The following SNX24 variants were observed in gnomAD, a reference collection of about 807,000 sequenced individuals.
SNX24 encodes sorting nexin 24.
Under a neutral mutation model 28.7 loss-of-function variants are expected in SNX24, and 22 were observed. The observed-to-expected ratio is 0.77, with a 90% CI of 0.55 to 1.10. The LOEUF (loss-of-function observed/expected upper bound fraction) is 1.10. SNX24 is among the 50% of genes least tolerant of loss of function. SNX24 has a pLI of 0.00. For synonymous variants in SNX24, 69 were observed against 71.5 expected (o/e 0.96, Z 0.18); for missense variants, 221 against 201.1 (o/e 1.10, Z -0.60).
intron 6 of SNX24, among the ~76,000 whole-genome samples, chr5:123,006,972 T>A (rs1426566026): frequency 6.6e-6 from 1 of 152,248 alleles, no homozygotes; most frequent in Non-Finnish European, 1.5e-5. Context: ...TATGTACAGA[T>A]TAAAGTTTAA....
intron 1 of SNX24, among the ~76,000 whole-genome samples, chr5:122,914,812 G>A (rs1437779226): frequency 3.3e-5 from 5 of 151,950 alleles, no homozygotes; most frequent in Admixed American, 6.6e-5. Flanking sequence ...TCTTGCTAGC[G>A]GTCTATCAAT....
chr5:122,864,492 T>C (rs1755631283), intron 1 of SNX24, among the ~76,000 whole-genome samples: 1 of 152,224 alleles, frequency 6.6e-6, no homozygotes, highest in South Asian at 2.1e-4. Context: ...TGCAGGAAAC[T>C]AGAGTTTTAT....
intron 1 of SNX24, among the ~76,000 whole-genome samples, chr5:122,892,263 T>G (rs925538536): frequency 2.0e-5 from 3 of 152,018 alleles, no homozygotes; most frequent in African/African-American, 7.2e-5. Context: ...TTTATATTTT[T>G]TAGTTGAAGC....
chr5:122,868,610 A>G (rs1755826029), intron 1 of SNX24, among the ~76,000 whole-genome samples: 1 of 152,308 alleles, frequency 6.6e-6, no homozygotes, highest in Middle Eastern at 3.4e-3. Context: ...AGCAGTTTGC[A>G]TGGCAGCTTG....
intron 1 of SNX24, among the ~76,000 whole-genome samples, chr5:122,903,708 C>G (rs1207770515): frequency 6.6e-6 from 1 of 152,094 alleles, no homozygotes; most frequent in Non-Finnish European, 1.5e-5. Context: ...TTTTGGTTTA[C>G]TGTGGTGTAT....
At chr5:122,976,306 A>C (rs67342963) in intron 3 of SNX24, among the ~76,000 whole-genome samples, 2 of 143,410 alleles carry the variant, frequency 1.4e-5, no homozygotes, top group East Asian at 1.9e-4. Context: ...AAAAAAAAAA[A>C]AAAACAGGCA....
chr5:122,948,386 C>T (rs1203077004), intron 3 of SNX24, among the ~76,000 whole-genome samples: 1 of 152,160 alleles, frequency 6.6e-6, no homozygotes, highest in Non-Finnish European at 1.5e-5. Context: ...TATCATCCTG[C>T]CACTAACCTG....
intron 1 of SNX24, among the ~76,000 whole-genome samples, chr5:122,889,595 GTA>G (rs1208452765): frequency 7.7e-6 from 1 of 129,318 alleles, no homozygotes; most frequent in Non-Finnish European, 1.6e-5. Flanking sequence ...CCGTGTATGT[GTA>G]TATATATATA....
intron 3 of SNX24, among the ~76,000 whole-genome samples, chr5:122,991,410 C>A (rs1160453080): frequency 6.6e-6 from 1 of 152,094 alleles, no homozygotes; most frequent in African/African-American, 2.4e-5. Context: ...AGTTGTCAAA[C>A]AGGTTTTGAA....
chr5:122,846,608 C>T (rs1443948555), intron 1 of SNX24, among the ~76,000 whole-genome samples: 2 of 152,170 alleles, frequency 1.3e-5, no homozygotes, highest in Non-Finnish European at 2.9e-5. Flanking sequence ...AACCCCTCTC[C>T]CCTCCTCTAA....
Position 122,964,253 on chromosome 5 carries a change from A to AT in SNX24, c.249+18094_249+18095insT, listed in dbSNP as rs1288950541. ...CAAGAACAAGACTCCATCTCAAAAA[A>AT]AAAAAAAAAAAAAAAAAAAGAACAA... On this transcript the variant is annotated intron_variant, in intron 3 of 6. Transcript: ENST00000261369. Among the ~76,000 whole-genome samples the AT allele has an allele frequency of 4.0e-5, 6 of 149,958 alleles. No homozygotes were observed. The East Asian group carries it at 1.2e-3, about 29-fold the overall frequency.
At chr5:122,954,516 G>GT (rs952626318) in intron 3 of SNX24, among the ~76,000 whole-genome samples, 4 of 149,658 alleles carry the variant, frequency 2.7e-5, no homozygotes, top group Admixed American at 1.3e-4. Flanking sequence ...GACCAATACT[G>GT]TTTTTTTTCT....
intron 3 of SNX24, among the ~76,000 whole-genome samples, chr5:122,973,161 C>G (rs1761024907): frequency 6.6e-6 from 1 of 152,198 alleles, no homozygotes; most frequent in Admixed American, 6.5e-5. Flanking sequence ...TCAGAGGGGT[C>G]CATCCACATA....
chr5:122,934,494 G>A (rs563846474), intron 1 of SNX24, among the ~76,000 whole-genome samples: 1 of 152,024 alleles, frequency 6.6e-6, no homozygotes, highest in African/African-American at 2.4e-5. Flanking sequence ...CAAGCAGCTG[G>A]ATCTACAGGC....
At chr5:123,026,008 A>G in intron 5 of SNX24, 2 of 1,528,970 alleles carry the variant, frequency 1.3e-6, no homozygotes, top group Non-Finnish European at 1.8e-6. Flanking sequence ...GATGTCTTCC[A>G]AAAGTCAGCT....
intron 1 of SNX24, among the ~76,000 whole-genome samples, chr5:122,931,463 T>C (rs912152633): frequency 1.3e-5 from 2 of 152,180 alleles, no homozygotes; most frequent in Non-Finnish European, 2.9e-5. Flanking sequence ...ATGGCGCTTT[T>C]AGAGATTCAA....
chr5:122,946,826 G>A (rs1581783689), intron 3 of SNX24, among the ~76,000 whole-genome samples: 1 of 152,176 alleles, frequency 6.6e-6, no homozygotes, highest in East Asian at 1.9e-4. Flanking sequence ...AGAACTAGTG[G>A]CCCCAGGCGA....
chr5:122,858,269 A>G (rs571959027), intron 1 of SNX24, among the ~76,000 whole-genome samples: 14 of 152,366 alleles, frequency 9.2e-5, no homozygotes, highest in Admixed American at 3.3e-4. Flanking sequence ...TTTTTGAAAT[A>G]CTTGGAGAAT....
At chr5:122,997,173 A>C (rs1244210193) in intron 3 of SNX24, among the ~76,000 whole-genome samples, 1 of 152,160 alleles carries the variant, frequency 6.6e-6, no homozygotes, top group Non-Finnish European at 1.5e-5. Flanking sequence ...TTTGTCTCTG[A>C]AGTATTAGTT....
Sources: gnomAD v4.1 joint callset for allele counts (sites outside exome capture counted in the v4.1 genomes callset) on GRCh38, gnomAD v4.1.1 for gene constraint, MANE v1.5 for transcripts, NCBI Gene and HGNC (gene_info 2026-07-23, HGNC 2026-07-21) for gene names.